The following DNAI7 variants were observed in gnomAD, a reference collection of about 807,000 sequenced individuals.
The protein encoded by DNAI7 is dynein axonemal intermediate chain 7.
DNAI7 carries 78 observed loss-of-function variants against 86.6 expected under a neutral mutation model. The observed-to-expected ratio is 0.90, with a 90% confidence interval of 0.75 to 1.09. DNAI7 has a LOEUF of 1.09. DNAI7 is among the 50% of genes least tolerant of loss of function. The pLI is 0.00. For missense variants in DNAI7, 753 were observed against 810.2 expected, an observed-to-expected ratio of 0.93 and a Z score of 0.86; for synonymous variants, 274 against 273.0, an observed-to-expected ratio of 1.00 and a Z score of -0.04.
In DNAI7 at chr12:25,108,364, C is replaced by T; in HGVS notation, c.*184G>A. 1 of 568,446 alleles carries T rather than the reference C, an allele frequency of 1.8e-6. No individual in the cohort carries two copies. The highest frequency in any genetic ancestry group is 2.9e-6 in the Non-Finnish European group (1 of 341,976). 35.2% of individuals were successfully genotyped at this position (568,446 alleles called of 1,614,324 possible). ...AGTGAAAGCTGAAATTCTTAACAGG[C>T]CAAGTATTCAAAGGAAAAAAAAATA... On this transcript the variant is annotated 3_prime_UTR_variant, in exon 16 of 16. Coordinates refer to ENST00000395987, the MANE Select transcript of DNAI7 (RefSeq NM_018272.5).
At chr12:25,130,621 TAAACTATCTTAAAGC>T (rs1265189798) in intron 9 of DNAI7, among the ~76,000 whole-genome samples, 1 of 152,040 alleles carries the variant, frequency 6.6e-6, no homozygotes, top group East Asian at 1.9e-4. Flanking sequence ...TATGTTTGCT[TAAACTATCTTAAAGC>T]CAGAGACTAC....
At chr12:25,154,219 G>A (rs1385942722) in intron 6 of DNAI7, 100 bp downstream of exon 6, 2 of 918,348 alleles carry the variant, frequency 2.2e-6, no homozygotes, top group Non-Finnish European at 3.2e-6. Flanking sequence ...TTCAAAAGCA[G>A]TAGTGTTATT....
At chr12:25,187,594 A>G (rs1452199935) in intron 2 of DNAI7, among the ~76,000 whole-genome samples, 1 of 152,174 alleles carries the variant, frequency 6.6e-6, no homozygotes, top group Non-Finnish European at 1.5e-5. Context: ...GCAAGAACTT[A>G]TATATAAGGA....
Position 25,155,431 on chromosome 12 carries a change from T to TA in DNAI7, c.199-20dup, listed in dbSNP as rs768640143. The TA allele has an allele frequency of 9.8e-6, 13 of 1,324,434 alleles. No individual in the cohort carries two copies. Among genetic ancestry groups the TA allele is most frequent in the Non-Finnish European group, 1.4e-5 (13 of 937,820 alleles). 82.0% of individuals were successfully genotyped at this position (1,324,434 alleles called of 1,614,324 possible). A position where few individuals can be genotyped will look rare whatever the true frequency, so the allele number is the denominator to read the frequency against. Reference sequence around the variant, plus strand: ...CTAGATCCTGTTGCACAAGGACAGATACATTGATCAGCTCTTTAATTTTAA... The same window carrying TA: ...CTAGATCCTGTTGCACAAGGACAGATAACATTGATCAGCTCTTTAATTTTAA... On this transcript the variant is annotated intron_variant, in intron 4 of 15. Coordinates refer to ENST00000395987, the MANE Select transcript of DNAI7 (RefSeq NM_018272.5).
intron 8 of DNAI7, 34 bp downstream of exon 8, chr12:25,146,967 C>T (rs1944923852): frequency 2.8e-6 from 3 of 1,076,380 alleles, no homozygotes; most frequent in Non-Finnish European, 4.3e-6. Context: ...GTCTTTCTTT[C>T]CACCTACAGG....
Position 25,155,329 on chromosome 12 carries a change from T to C in DNAI7, c.282A>G (p.Glu94=). ...CFPEAEKLKQ[E]TKLLSQWKHY... is the part of the protein sequence containing the mutation. ...GTCCTACCTGAGAAAGCAATTTAGT[T>C]TCCTGTTTCAATTTCTCTGCTTCAG... The change falls in exon 5 of 16, where the codon GAA becomes GAG. Residue 94 remains glutamate, a synonymous_variant. Coordinates refer to ENST00000395987, the MANE Select transcript of DNAI7 (RefSeq NM_018272.5). The C allele has an allele frequency of 6.3e-7, 1 of 1,597,068 alleles. No homozygotes were observed. The highest frequency in any genetic ancestry group is 8.6e-7 in the Non-Finnish European group (1 of 1,167,658).
intron 2 of DNAI7, among the ~76,000 whole-genome samples, chr12:25,167,306 C>A (rs140960280): frequency 2.0e-5 from 3 of 151,854 alleles, no homozygotes; most frequent in Non-Finnish European, 4.4e-5. Flanking sequence ...TATTCAGTCC[C>A]CCTCCCTTCC....
intron 2 of DNAI7, among the ~76,000 whole-genome samples, chr12:25,174,553 TATATATATCATATATATGGG>T (rs1170843810): frequency 7.1e-3 from 293 of 41,380 alleles, no homozygotes; most frequent in African/African-American, 0.013. Context: ...ATATATATGA[TATATATATCATATATATGGG>T]ATATATATCA....
At chr12:25,111,629 C>CT (rs1231943365) in intron 14 of DNAI7, 143 bp downstream of exon 14, 2 of 333,782 alleles carry the variant, frequency 6.0e-6, no homozygotes, top group Admixed American at 1.1e-4. Context: ...CCCTGGATTT[C>CT]TGGTCTTTTC....
chr12:25,167,919 G>C (rs1400889721), intron 2 of DNAI7, among the ~76,000 whole-genome samples: 1 of 152,022 alleles, frequency 6.6e-6, no homozygotes, highest in Admixed American at 6.6e-5. Flanking sequence ...AATTCCCCTG[G>C]GTAACCTTTC....
chr12:25,147,260 A>T (rs1297641000), intron 7 of DNAI7, among the ~76,000 whole-genome samples, 156 bp from the exon 8 acceptor site: 2 of 152,228 alleles, frequency 1.3e-5, no homozygotes, highest in Non-Finnish European at 2.9e-5. Flanking sequence ...ATGACAAAGA[A>T]TTGTTTAAAA....
intron 4 of DNAI7, among the ~76,000 whole-genome samples, chr12:25,157,837 ATTT>A (rs66535304): frequency 1.4e-5 from 2 of 143,304 alleles, no homozygotes; most frequent in African/African-American, 2.5e-5. Context: ...AATATTTTGA[ATTT>A]TTTTTTTTTT....
At chr12:25,132,200 T>C (rs986913548) in intron 9 of DNAI7, among the ~76,000 whole-genome samples, 7 of 152,144 alleles carry the variant, frequency 4.6e-5, no homozygotes, top group Admixed American at 2.0e-4. Flanking sequence ...TACTTACTTA[T>C]TGAAAATTCA....
intron 9 of DNAI7, among the ~76,000 whole-genome samples, chr12:25,141,099 C>T (rs938995434): frequency 2.0e-5 from 3 of 152,056 alleles, no homozygotes; most frequent in African/African-American, 7.2e-5. Context: ...GACCTGAAAC[C>T]ATAAAAATTA....
At chr12:25,184,683 T>C (rs1025991086) in intron 2 of DNAI7, among the ~76,000 whole-genome samples, 2 of 152,222 alleles carry the variant, frequency 1.3e-5, no homozygotes, top group Non-Finnish European at 2.9e-5. Context: ...TATTCCACCT[T>C]TATTTTTGAA....
chr12:25,175,236 T>C (rs985995658), intron 2 of DNAI7, among the ~76,000 whole-genome samples: 3 of 152,212 alleles, frequency 2.0e-5, no homozygotes, highest in Non-Finnish European at 4.4e-5. Flanking sequence ...AGCTGCTGAC[T>C]TTACCTCTTA....
intron 11 of DNAI7, among the ~76,000 whole-genome samples, chr12:25,121,285 C>T (rs1318474230): frequency 6.6e-6 from 1 of 152,164 alleles, no homozygotes; most frequent in Non-Finnish European, 1.5e-5. Context: ...TGGGAAATCC[C>T]ACTCACCACC....
chr12:25,146,323 G>A (rs528228932), intron 8 of DNAI7, among the ~76,000 whole-genome samples: 116 of 151,400 alleles, frequency 7.7e-4, no homozygotes, highest in Non-Finnish European at 4.4e-4. Context: ...TTAGCTGGGC[G>A]CAGTGGCTCA....
rs188432623 is a variant in DNAI7 at position 25,167,348 on chromosome 12, C to T, written c.22-6151G>A. 2.0e-5 allele frequency among the ~76,000 whole-genome samples: 3 copies of T among 152,244 alleles called. No homozygotes were observed. The East Asian group carries it at 5.8e-4, about 29-fold the overall frequency. ...ATCAAGCTCGAGAATTTGCCCCCGCCCAGGACTGGCAACTCTTAACTCCCT... is the reference window on the plus strand; with the variant it reads ...ATCAAGCTCGAGAATTTGCCCCCGCTCAGGACTGGCAACTCTTAACTCCCT... On this transcript the variant is annotated intron_variant, in intron 2 of 15. Coordinates refer to ENST00000395987, the MANE Select transcript of DNAI7 (RefSeq NM_018272.5).
Sources: gnomAD v4.1 joint callset for allele counts (sites outside exome capture counted in the v4.1 genomes callset) on GRCh38, gnomAD v4.1.1 for gene constraint, MANE v1.5 for transcripts, NCBI Gene and HGNC (gene_info 2026-07-23, HGNC 2026-07-21) for gene names.